The following MEAK7 variants were observed in gnomAD, a reference collection of about 807,000 sequenced individuals.
The protein encoded by MEAK7 is MTOR associated protein MEAK7.
In MEAK7, 68 loss-of-function variants were observed where a neutral mutation model predicts 40.5. The observed-to-expected ratio is 1.68, with a 90% CI of 1.38 to 2.06. MEAK7 has a LOEUF of 2.06. MEAK7 is among the 30% of genes most tolerant of loss of function. The probability of loss-of-function intolerance (pLI) is 0.00; values close to 1 mark genes in which losing one functional copy is unlikely to be tolerated. For missense variants in MEAK7, 918 were observed against 580.5 expected (o/e 1.58, Z -5.98); for synonymous variants, 338 against 231.9 (o/e 1.46, Z -4.16).
In MEAK7 at chr16:84,480,656, C is replaced by T; in HGVS notation, c.1130G>A (p.Gly377Glu). 6.2e-7 allele frequency: 1 copy of T among 1,613,936 alleles called. No individual in the cohort carries two copies. The highest frequency in any genetic ancestry group is 8.5e-7 in the Non-Finnish European group (1 of 1,179,928). ...YFGLWVDVDF[G>E]KGHSRAKPTC... The stretch of plus-strand genomic sequence containing the variant: ...GGGCTTGGCTCTGCTGTGTCCTTTC[C>T]CAAAATCAACATCCACCCAAAGCCC... The change falls in exon 7 of 8, where the codon GGG (glycine) becomes GAG (glutamate). Residue 377 changes from glycine to glutamate, a missense_variant. Physicochemically the swap from Gly to Glu is moderately conservative, Grantham distance 98. Transcript: ENST00000343629.
intron 3 of MEAK7, among the ~76,000 whole-genome samples, chr16:84,492,121 T>C (rs1208146911): frequency 2.0e-5 from 3 of 152,222 alleles, no homozygotes; most frequent in Admixed American, 6.5e-5. Context: ...CCAGGGACTA[T>C]TGTGGAAGAG....
At chr16:84,496,654 C>G (rs760727394) in intron 2 of MEAK7, among the ~76,000 whole-genome samples, 13 of 152,154 alleles carry the variant, frequency 8.5e-5, no homozygotes, top group African/African-American at 3.1e-4. Context: ...ATGCTGCTGT[C>G]AGCTCCCAAA....
rs754991333 is a variant in MEAK7 at position 84,495,743 on chromosome 16, G to A, written c.324C>T (p.Leu108=). Residue 108 remains leucine, a synonymous_variant, in exon 3 of 8, where the codon CTC becomes CTT. Coordinates refer to ENST00000343629, the MANE Select transcript of MEAK7 (RefSeq NM_020947.4). ...LLKGNSEEKS[L]MIMKMISATE... is the part of the protein sequence containing the mutation. ...TGGCAGAAATCATTTTCATAATCAT[G>A]AGACTCTTCTCCTCGGAGTTTCCTT... The A allele has an allele frequency of 1.1e-5, 17 of 1,613,768 alleles. No homozygotes were observed. In the South Asian group the frequency reaches 1.4e-4, roughly 14 times the overall value.
chr16:84,494,856 T>C (rs1416890358), intron 3 of MEAK7: 3 of 450,706 alleles, frequency 6.7e-6, no homozygotes, highest in South Asian at 1.6e-5. Context: ...CAGGAAAAAA[T>C]AAAAACTCAG....
intron 6 of MEAK7, among the ~76,000 whole-genome samples, chr16:84,481,708 T>C (rs887309058): frequency 2.0e-5 from 3 of 151,888 alleles, no homozygotes; most frequent in African/African-American, 7.3e-5. Flanking sequence ...CCAAGGCGGG[T>C]GGATCACGAG....
At position 84,498,018 on chromosome 16, in the gene MEAK7, C is replaced by A; in HGVS notation, c.69G>T (p.Glu23Asp). The A allele has an allele frequency of 6.2e-7, 1 of 1,614,222 alleles. No individual in the cohort carries two copies. The highest frequency in any genetic ancestry group is 1.1e-5 in the South Asian group (1 of 91,082). Residue 23 changes from glutamate (E) to aspartate (D), a missense_variant, in exon 2 of 8, where the codon GAG becomes GAT. By Grantham distance (45) the Glu-to-Asp change is conservative. Coordinates refer to ENST00000343629, the MANE Select transcript of MEAK7 (RefSeq NM_020947.4). ...CSQFLPEEQA[E>D]IDQLFDALSS... ...ACAGAGCATCAAACAATTGATCAAT[C>A]TCTGCCTGTTCCTCAGGAAGAAACT...
At chr16:84,491,765 G>A (rs1345963955) in intron 3 of MEAK7, among the ~76,000 whole-genome samples, 1 of 150,416 alleles carries the variant, frequency 6.6e-6, no homozygotes, top group Non-Finnish European at 1.5e-5. Flanking sequence ...GTGAACCCAG[G>A]AGGCGGAGCT....
Position 84,486,977 on chromosome 16 carries a change from G to A in MEAK7, c.612C>T (p.Pro204=), listed in dbSNP as rs1276882952. 13 of 1,614,158 alleles carry A rather than the reference G, an allele frequency of 8.1e-6. No homozygotes were observed. The highest frequency in any genetic ancestry group is 1.0e-5 in the Non-Finnish European group (12 of 1,180,028). Residue 204 remains proline (P), a synonymous_variant, in exon 5 of 8, where the codon CCC becomes CCT. Coordinates refer to ENST00000343629, the MANE Select transcript of MEAK7 (RefSeq NM_020947.4). Reference sequence around the variant, plus strand: ...CCACACTCAGGAATATGGCCACATGGGGGACCCTGAACACCCAGTCCTCGA... The same window carrying A: ...CCACACTCAGGAATATGGCCACATGAGGGACCCTGAACACCCAGTCCTCGA... ...AVIEDWVFRV[P]HVAIFLSVVI...
At chr16:84,495,620 T>A in intron 3 of MEAK7, 63 bp downstream of exon 3, 8 of 1,515,868 alleles carry the variant, frequency 5.3e-6, no homozygotes, top group Non-Finnish European at 7.3e-6. Flanking sequence ...CTGGCCTCCA[T>A]CCCCCCACCG....
rs771263966 is a variant in MEAK7 at position 84,478,936 on chromosome 16, T to C, written c.*977A>G. On this transcript the variant is annotated 3_prime_UTR_variant, in exon 8 of 8. Transcript: ENST00000343629. Reference sequence around the variant, plus strand: ...ATTTATGGAATGGACCATATACGTATTTATCAACCAAGTTCCCAAACTTAG... The same window carrying C: ...ATTTATGGAATGGACCATATACGTACTTATCAACCAAGTTCCCAAACTTAG... The C allele has an allele frequency of 6.6e-6, 1 of 152,234 alleles. No homozygotes were observed. The highest frequency in any genetic ancestry group is 1.5e-5 in the Non-Finnish European group (1 of 68,048). 9.4% of individuals were successfully genotyped at this position (152,234 alleles called of 1,614,324 possible). A position where few individuals can be genotyped will look rare whatever the true frequency, so the allele number is the denominator to read the frequency against.
At chr16:84,494,523 T>G (rs575551914) in intron 3 of MEAK7, among the ~76,000 whole-genome samples, 5 of 152,194 alleles carry the variant, frequency 3.3e-5, no homozygotes, top group African/African-American at 1.2e-4. Flanking sequence ...CTAGACAACT[T>G]AAACTCTGGA....
intron 5 of MEAK7, chr16:84,486,367 C>G (rs1913054531): frequency 6.4e-6 from 7 of 1,102,144 alleles, no homozygotes; most frequent in Non-Finnish European, 8.1e-6. Flanking sequence ...CTTGACTTCT[C>G]CCACGCCCCA....
intron 3 of MEAK7, 184 bp downstream of exon 3, chr16:84,495,499 A>T (rs1299754775): frequency 3.3e-6 from 2 of 609,242 alleles, no homozygotes; most frequent in Admixed American, 3.0e-5. Flanking sequence ...ATCTTTGGAG[A>T]AAGGCACAGG....
At chr16:84,492,104 T>G (rs74437794) in intron 3 of MEAK7, among the ~76,000 whole-genome samples, 7,584 of 152,136 alleles carry the variant, frequency 0.05, 536 homozygotes, top group East Asian at 0.33. Flanking sequence ...ATTTAACCCC[T>G]CTAGGCCCAG....
At chr16:84,487,187 G>T in intron 4 of MEAK7, 128 bp from the exon 5 acceptor site, 2 of 876,428 alleles carry the variant, frequency 2.3e-6, no homozygotes, top group Non-Finnish European at 3.4e-6. Flanking sequence ...AACAGGGCTC[G>T]TGTGAATTGA....
At chr16:84,482,101 C>T (rs12444803) in intron 6 of MEAK7, among the ~76,000 whole-genome samples, 49,053 of 152,050 alleles carry the variant, frequency 0.32, 9,294 homozygotes, top group Middle Eastern at 0.47. Flanking sequence ...GCCTAGGCCT[C>T]CCCCGCTTCC....
chr16:84,500,086 C>G (rs1043961569), intron 1 of MEAK7: 1 of 152,166 alleles, frequency 6.6e-6, no homozygotes, highest in Non-Finnish European at 1.5e-5. Context: ...TTGTGATTGT[C>G]TCTTTTCATT....
intron 1 of MEAK7, chr16:84,503,819 T>G (rs947533200): frequency 7.2e-6 from 4 of 557,132 alleles, no homozygotes; most frequent in Non-Finnish European, 6.8e-6. Context: ...ACTAGTATCC[T>G]AGGAATGGCT....
chr16:84,484,281 T>A (rs374858817), intron 5 of MEAK7, among the ~76,000 whole-genome samples: 2 of 152,302 alleles, frequency 1.3e-5, no homozygotes, highest in South Asian at 2.1e-4. Context: ...TGGAAAAAAG[T>A]GACACCAACA....
Sources: allele counts gnomAD v4.1 joint callset (sites outside exome capture counted in the v4.1 genomes callset), GRCh38; gene constraint gnomAD v4.1.1; transcripts MANE v1.5; gene names NCBI Gene and HGNC (gene_info 2026-07-23, HGNC 2026-07-21).